Variants in ANK2 observed in about 807,000 individuals in gnomAD.
ANK2 encodes ankyrin 2, also known as ankyrin-2.
A neutral mutation model predicts 360.5 loss-of-function variants in ANK2; 83 were observed. The ratio of observed to expected loss-of-function variants is 0.23; its 90% CI spans 0.19 to 0.28. The LOEUF is 0.28. Among genes scored for constraint, ANK2 ranks in the 10% least tolerant of loss-of-function variants. The pLI is 1.00. For missense variants in ANK2, 4,201 were observed against 4,795.7 expected (o/e 0.88, Z 3.66); for synonymous variants, 1,740 against 1,759.5 (o/e 0.99, Z 0.28).
chr4:113,350,129 C>T, intron 36 of ANK2, 99 bp from the exon 37 acceptor site: 3 of 1,089,856 alleles, frequency 2.8e-6, no homozygotes, highest in Non-Finnish European at 4.1e-6. Context: ...TGGTGTCACC[C>T]AACATGTATA....
intron 2 of ANK2, among the ~76,000 whole-genome samples, chr4:112,957,692 G>C (rs1413369476): frequency 6.6e-6 from 1 of 150,966 alleles, no homozygotes; most frequent in African/African-American, 2.5e-5. Flanking sequence ...TGGGCGGGGG[G>C]CTGACCCCCC....
chr4:113,005,636 A>G (rs1410186862), intron 2 of ANK2, among the ~76,000 whole-genome samples: 1 of 152,180 alleles, frequency 6.6e-6, no homozygotes, highest in African/African-American at 2.4e-5. Flanking sequence ...GTACAAACAT[A>G]CAGTTAGATA....
the ANK2 span, chr4:112,798,742 G>T: frequency 6.6e-6 from 1 of 152,300 alleles, no homozygotes; most frequent in African/African-American, 2.4e-5. Flanking sequence ...CAAGGGTGTG[G>T]TAGTGCCAGG....
rs1012965704 is a variant in ANK2, at chr4:113,323,302, T to G, written c.2900+4682T>G. Among the ~76,000 whole-genome samples, 4 of 152,212 alleles carry G rather than the reference T, an allele frequency of 2.6e-5. 1 individual carries two copies. The highest frequency in any genetic ancestry group is 9.7e-5 in the African/African-American group (4 of 41,448). ...AGTTTATGCTACTGTTTGTTGTTGA[T>G]CTATACTTTAAATTGTGCCTTTTCT... On this transcript the variant is annotated intron_variant, in intron 26 of 45. Transcript: ENST00000357077.
chr4:113,294,428 A>C (rs2069864878), intron 22 of ANK2, among the ~76,000 whole-genome samples: 1 of 152,260 alleles, frequency 6.6e-6, no homozygotes, highest in South Asian at 2.1e-4. Flanking sequence ...CTTCAAAGAC[A>C]ATAAAACCAC....
intron 2 of ANK2, among the ~76,000 whole-genome samples, chr4:112,923,384 A>G (rs974198028): frequency 6.6e-6 from 1 of 151,692 alleles, no homozygotes; most frequent in Admixed American, 6.6e-5. Context: ...GTTAAGCTCT[A>G]TACTGTGGAA....
At chr4:112,902,227 G>A (rs2083673782) in intron 1 of ANK2, among the ~76,000 whole-genome samples, 1 of 152,226 alleles carries the variant, frequency 6.6e-6, no homozygotes, top group African/African-American at 2.4e-5. Flanking sequence ...CTGGAAGCAA[G>A]GACTTGAAGC....
chr4:112,828,222 G>A (rs958697666), intron 1 of ANK2, among the ~76,000 whole-genome samples: 4 of 140,732 alleles, frequency 2.8e-5, no homozygotes, highest in Non-Finnish European at 4.5e-5. Flanking sequence ...AACTCAAGAT[G>A]AATTACGGAC....
intron 1 of ANK2, among the ~76,000 whole-genome samples, chr4:113,138,374 G>A (rs2096519679): frequency 6.6e-6 from 1 of 152,158 alleles, no homozygotes; most frequent in Non-Finnish European, 1.5e-5. Flanking sequence ...TCTGATGTCG[G>A]TGCAACACAA....
intron 1 of ANK2, among the ~76,000 whole-genome samples, chr4:113,156,453 C>T (rs1027546272): frequency 6.8e-6 from 1 of 147,060 alleles, no homozygotes; most frequent in Admixed American, 7.0e-5. Context: ...TCACTGCAAC[C>T]TCCGCCTCCC....
intron 1 of ANK2, among the ~76,000 whole-genome samples, chr4:113,088,958 A>G (rs1190371812): frequency 6.6e-6 from 1 of 152,202 alleles, no homozygotes; most frequent in Non-Finnish European, 1.5e-5. Flanking sequence ...TTATCACAAC[A>G]TAACAAACCA....
At chr4:112,881,708 C>A in intron 1 of ANK2, 1 of 518,636 alleles carries the variant, frequency 1.9e-6, no homozygotes, top group Non-Finnish European at 3.5e-6. Flanking sequence ...GAGTTTTTTG[C>A]CCATACACAC....
chr4:113,039,645 T>G (rs1014829786), intron 2 of ANK2, among the ~76,000 whole-genome samples: 2 of 151,948 alleles, frequency 1.3e-5, no homozygotes, highest in Non-Finnish European at 2.9e-5. Context: ...TAGAATATAT[T>G]AACACTGAAT....
chr4:113,064,756 A>G (rs920428427), intron 1 of ANK2, among the ~76,000 whole-genome samples: 1 of 149,918 alleles, frequency 6.7e-6, no homozygotes, highest in Non-Finnish European at 1.5e-5. Context: ...CAAAAATGTT[A>G]GAAAGTTCTG....
chr4:112,864,599 G>A (rs1026381034), intron 1 of ANK2, among the ~76,000 whole-genome samples: 5 of 151,420 alleles, frequency 3.3e-5, no homozygotes, highest in African/African-American at 1.2e-4. Context: ...CGTCAGCCCC[G>A]GCGCCCGGCC....
intron 1 of ANK2, chr4:112,882,071 C>A (rs571939222): frequency 1.3e-4 from 46 of 361,386 alleles, no homozygotes; most frequent in African/African-American, 9.4e-4. Context: ...AGGCTCTCAT[C>A]GGTTGTTTCA....
chr4:113,078,570 T>A (rs892258052), intron 1 of ANK2, among the ~76,000 whole-genome samples: 2 of 152,186 alleles, frequency 1.3e-5, no homozygotes, highest in Non-Finnish European at 2.9e-5. Context: ...ACCATTTATA[T>A]GTTTTGATTC....
chr4:112,979,112 C>T (rs1582415398), intron 2 of ANK2, among the ~76,000 whole-genome samples: 1 of 152,256 alleles, frequency 6.6e-6, no homozygotes, highest in East Asian at 1.9e-4. Context: ...GCTCGTTCTG[C>T]CCACTTGGCC....
chr4:112,881,603 G>A, intron 1 of ANK2: 1 of 320,348 alleles, frequency 3.1e-6, no homozygotes, highest in South Asian at 6.8e-5. Context: ...CAGCATGGGT[G>A]CAATAAAAAA....
Sources: allele counts gnomAD v4.1 joint callset (sites outside exome capture counted in the v4.1 genomes callset), GRCh38; gene constraint gnomAD v4.1.1; transcripts MANE v1.5; gene names NCBI Gene and HGNC (gene_info 2026-07-23, HGNC 2026-07-21).